LUC7L3: variants seen among roughly 807,000 people sequenced by gnomAD.
LUC7L3 encodes luc7-like protein 3.
A neutral mutation model predicts 66.8 loss-of-function variants in LUC7L3; 6 were observed. That is an observed-to-expected ratio of 0.09 (90% CI 0.05 to 0.18). The LOEUF is 0.18. LUC7L3 is among the 10% of genes least tolerant of loss of function. The pLI, the probability that LUC7L3 is intolerant of heterozygous loss-of-function variation, is 1.00. For synonymous variants in LUC7L3, 160 were observed against 174.7 expected (o/e 0.92, Z 0.66); for missense variants, 341 against 531.1 (o/e 0.64, Z 3.52).
intron 1 of LUC7L3, among the ~76,000 whole-genome samples, chr17:50,720,158 TAGGG>T (rs1300119682): frequency 2.0e-5 from 3 of 152,192 alleles, no homozygotes; most frequent in Admixed American, 2.0e-4. Context: ...CATTATGAAA[TAGGG>T]AGAAGGGCAC....
chr17:50,751,179 T>C lies in LUC7L3; in HGVS notation c.*518T>C. ...TTTGTCAAGGATGTTTCTAGTTTTTTGCTTTATTGCCTTGCATTCTAATGC... is the reference window on the plus strand; with the variant it reads ...TTTGTCAAGGATGTTTCTAGTTTTTCGCTTTATTGCCTTGCATTCTAATGC... On this transcript the variant is annotated 3_prime_UTR_variant, in exon 10 of 10. Coordinates refer to ENST00000505658, the MANE Select transcript of LUC7L3 (RefSeq NM_016424.5). 2 of 1,474,120 alleles carry C rather than the reference T, an allele frequency of 1.4e-6. No homozygotes were observed. The highest frequency in any genetic ancestry group is 2.5e-5 in the South Asian group (2 of 78,926). The allele number at this position is 1,474,120 out of a possible 1,614,324, so 91.3% of individuals were successfully genotyped here.
intron 1 of LUC7L3, among the ~76,000 whole-genome samples, chr17:50,720,829 T>C (rs1242671207): frequency 6.6e-6 from 1 of 152,224 alleles, no homozygotes; most frequent in African/African-American, 2.4e-5. Context: ...TTTTTTGCAG[T>C]GTAGGAAAGC....
chr17:50,752,309 G>C lies in LUC7L3; in HGVS notation c.*1648G>C. On this transcript the variant is annotated 3_prime_UTR_variant, in exon 10 of 10. Coordinates refer to ENST00000505658, the MANE Select transcript of LUC7L3 (RefSeq NM_016424.5). ...TATAGTGGCATAGAAAAAGTATAAA[G>C]CTCAGTTAGTTTTTTTATTATTATT... 1.0e-6 allele frequency: 1 copy of C among 961,594 alleles called. No individual in the cohort carries two copies. Among genetic ancestry groups the C allele is most frequent in the Non-Finnish European group, 1.4e-6 (1 of 724,832 alleles). The allele number at this position is 961,594 out of a possible 1,614,324, so 59.6% of individuals were successfully genotyped here. A position where few individuals can be genotyped will look rare whatever the true frequency, so the allele number is the denominator to read the frequency against.
intron 4 of LUC7L3, 112 bp downstream of exon 4, chr17:50,741,358 G>A: frequency 2.7e-6 from 3 of 1,110,926 alleles, no homozygotes; most frequent in Non-Finnish European, 2.5e-6. Context: ...TCTTTAAAAT[G>A]ATATGAAACT....
At chr17:50,721,992 A>G (rs1002036906) in intron 1 of LUC7L3, 7 of 151,944 alleles carry the variant, frequency 4.6e-5, no homozygotes, top group African/African-American at 1.7e-4. Context: ...GGCATCTGTA[A>G]GTATTTAACA....
chr17:50,748,030 AAATT>A (rs2143051241), intron 9 of LUC7L3, among the ~76,000 whole-genome samples: 1 of 152,374 alleles, frequency 6.6e-6, no homozygotes, highest in African/African-American at 2.4e-5. Context: ...CTGTCAGGTC[AAATT>A]AATAATATTT....
At chr17:50,733,643 C>T (rs1342447063) in intron 1 of LUC7L3, among the ~76,000 whole-genome samples, 2 of 152,092 alleles carry the variant, frequency 1.3e-5, no homozygotes, top group African/African-American at 2.4e-5. Flanking sequence ...CCTCGTGATC[C>T]GCACGCCTCA....
chr17:50,748,307 A>T (rs965486950), intron 9 of LUC7L3: 1 of 152,116 alleles, frequency 6.6e-6, no homozygotes, highest in Non-Finnish European at 1.5e-5. Context: ...TGATGATGAC[A>T]TGAAATTTAG....
intron 1 of LUC7L3, chr17:50,723,660 C>T (rs1968947894): frequency 1.2e-5 from 2 of 173,714 alleles, no homozygotes; most frequent in Admixed American, 5.9e-5. Flanking sequence ...TGCCCCCCCC[C>T]CTTTTTTTTT....
chr17:50,727,366 C>G (rs1200704505), intron 1 of LUC7L3, among the ~76,000 whole-genome samples: 1 of 152,140 alleles, frequency 6.6e-6, no homozygotes, highest in Non-Finnish European at 1.5e-5. Flanking sequence ...CCACTCATGG[C>G]AGAAGGGGAG....
rs534347145 is a variant in LUC7L3 at position 50,732,281 on chromosome 17, C to T, written c.100-4679C>T. On this transcript the variant is annotated intron_variant, in intron 1 of 9. Coordinates refer to ENST00000505658, the MANE Select transcript of LUC7L3 (RefSeq NM_016424.5). ...CGGAAGTCAGCCTGGCACTTTAACA[C>T]CCAAGATGGAGTTGCTTTCGCTTTT... is the stretch of plus-strand genomic sequence containing the variant. Among the ~76,000 whole-genome samples the T allele has an allele frequency of 3.9e-5, 6 of 152,338 alleles. No homozygotes were observed. In the South Asian group the frequency reaches 1.2e-3, roughly 32 times the overall value.
At chr17:50,736,546 GA>G (rs1969997647) in intron 1 of LUC7L3, 1 of 165,058 alleles carries the variant, frequency 6.1e-6, no homozygotes, top group Non-Finnish European at 1.3e-5. Flanking sequence ...TGCTTTAAAT[GA>G]GTGTTAACTG....
chr17:50,723,761 C>T lies in LUC7L3; in HGVS notation c.99+3930C>T, dbSNP rs535109040. On this transcript the variant is annotated intron_variant, in intron 1 of 9. Transcript: ENST00000505658. ...CCTCCACCTCCTGGCCTCAGCGTCC[C>T]GAGTAATTGGGATTGCAGGTGTGGG... 588 of 318,324 alleles carry T rather than the reference C, an allele frequency of 1.8e-3. 1 individual carries two copies. The highest frequency in any genetic ancestry group is 2.8e-3 in the Non-Finnish European group (445 of 159,890). 19.7% of individuals were successfully genotyped at this position (318,324 alleles called of 1,614,324 possible).
At chr17:50,735,230 C>CA (rs907051149) in intron 1 of LUC7L3, among the ~76,000 whole-genome samples, 10,268 of 64,754 alleles carry the variant, frequency 0.16, 606 homozygotes, top group African/African-American at 0.34. Flanking sequence ...AACTCTGTCT[C>CA]AAAAAAAAAA....
intron 2 of LUC7L3, among the ~76,000 whole-genome samples, chr17:50,739,761 G>C (rs1970228928): frequency 6.6e-6 from 1 of 152,172 alleles, no homozygotes; most frequent in East Asian, 1.9e-4. Flanking sequence ...TAAGCACCAA[G>C]TGTTTATTTA....
chr17:50,735,569 A>T (rs1969930058), intron 1 of LUC7L3, among the ~76,000 whole-genome samples: 3 of 151,862 alleles, frequency 2.0e-5, no homozygotes, highest in Admixed American at 2.0e-4. Flanking sequence ...TAAATAGCAC[A>T]ATCATGGCTC....
intron 1 of LUC7L3, chr17:50,724,245 C>T (rs541078214): frequency 3.8e-5 from 7 of 184,890 alleles, no homozygotes; most frequent in Admixed American, 1.8e-4. Flanking sequence ...CATAGCCGAC[C>T]GGGCATGGTG....
intron 1 of LUC7L3, among the ~76,000 whole-genome samples, chr17:50,724,964 T>C (rs1050778218): frequency 4.6e-5 from 7 of 151,998 alleles, no homozygotes; most frequent in Non-Finnish European, 7.4e-5. Context: ...TTTCACCATG[T>C]TTGCCGGGCT....
rs1970984699 is a variant in LUC7L3 at position 50,751,797 on chromosome 17, A to G, written c.*1136A>G. On this transcript the variant is annotated 3_prime_UTR_variant, in exon 10 of 10. Transcript: ENST00000505658. ...CAGACACCTTCAATTTGTGAAATCA[A>G]AGAACTGATGCACTATATAGAACGA... The G allele has an allele frequency of 1.4e-5, 14 of 1,018,404 alleles. No individual in the cohort carries two copies. The highest frequency in any genetic ancestry group is 1.6e-5 in the Non-Finnish European group (14 of 849,322). 63.1% of individuals were successfully genotyped at this position (1,018,404 alleles called of 1,614,324 possible).
Sources: allele counts gnomAD v4.1 joint callset (sites outside exome capture counted in the v4.1 genomes callset), GRCh38; gene constraint gnomAD v4.1.1; transcripts MANE v1.5; gene names NCBI Gene and HGNC (gene_info 2026-07-23, HGNC 2026-07-21).